The following COL23A1 variants were observed in gnomAD, a reference collection of about 807,000 sequenced individuals.
The protein encoded by COL23A1 is collagen type XXIII alpha 1 chain.
Under a neutral mutation model 99.3 loss-of-function variants are expected in COL23A1, and 97 were observed. The ratio of observed to expected loss-of-function variants is 0.98; its 90% confidence interval spans 0.83 to 1.16. The LOEUF is 1.16. COL23A1 is among the 50% of genes most tolerant of loss of function. The probability of loss-of-function intolerance (pLI) is 0.00; values close to 1 mark genes in which losing one functional copy is unlikely to be tolerated. For synonymous variants in COL23A1, 320 were observed against 308.2 expected, an observed-to-expected ratio of 1.04 and a Z score of -0.40; for missense variants, 762 against 757.4, an observed-to-expected ratio of 1.01 and a Z score of -0.07.
chr5:178,343,415 AG>A (rs1263784535), intron 2 of COL23A1, among the ~76,000 whole-genome samples: 1 of 152,204 alleles, frequency 6.6e-6, no homozygotes, highest in East Asian at 1.9e-4. Flanking sequence ...TAGAAAAGGC[AG>A]GGGACAAGCT....
At chr5:178,586,888 CAG>C (rs1018009012) in intron 1 of COL23A1, among the ~76,000 whole-genome samples, 2 of 152,156 alleles carry the variant, frequency 1.3e-5, no homozygotes, top group African/African-American at 4.8e-5. Context: ...AACCAATATA[CAG>C]AGTTGATAAG....
At chr5:178,305,274 G>A (rs1322984336) in intron 3 of COL23A1, among the ~76,000 whole-genome samples, 1 of 151,634 alleles carries the variant, frequency 6.6e-6, no homozygotes, top group Non-Finnish European at 1.5e-5. Context: ...GCGCTAAGGA[G>A]TGTATCTGGA....
At chr5:178,389,047 C>G (rs984662247) in intron 2 of COL23A1, among the ~76,000 whole-genome samples, 5 of 152,166 alleles carry the variant, frequency 3.3e-5, no homozygotes, top group African/African-American at 1.2e-4. Flanking sequence ...ACACTCCTTA[C>G]CAAGGCAATT....
At chr5:178,420,486 T>A (rs1348037934) in intron 2 of COL23A1, among the ~76,000 whole-genome samples, 3 of 64,050 alleles carry the variant, frequency 4.7e-5, no homozygotes, top group African/African-American at 2.0e-4. Flanking sequence ...CCCCCGCTCT[T>A]TCCTCCTCCC....
At position 178,306,225 on chromosome 5, in the gene COL23A1, G is replaced by A. The variant is rs1168274975; in HGVS notation, c.406+650C>T. ...CCAGCATGGGGGAGTGGCCAAGGGT[G>A]GGGGTCAAGAAAGAGAAAGACAGCA... On this transcript the variant is annotated intron_variant, in intron 3 of 28. Transcript: ENST00000390654. The surrounding 1 kb of genome is among the most constrained non-coding windows in gnomAD (Gnocchi z 4.1). Among the ~76,000 whole-genome samples, 2 of 152,126 alleles carry A rather than the reference G, an allele frequency of 1.3e-5. No homozygotes were observed. The highest frequency in any genetic ancestry group is 2.4e-5 in the African/African-American group (1 of 41,416).
chr5:178,297,189 G>A (rs1224966271), intron 3 of COL23A1, among the ~76,000 whole-genome samples: 1 of 152,256 alleles, frequency 6.6e-6, no homozygotes, highest in East Asian at 1.9e-4. Context: ...CACTGCCACT[G>A]CCTTGGACAA....
At chr5:178,480,542 C>G (rs1757279386) in intron 2 of COL23A1, among the ~76,000 whole-genome samples, 1 of 152,188 alleles carries the variant, frequency 6.6e-6, no homozygotes. Flanking sequence ...AGCATTCTTT[C>G]ATTATTAACA....
intron 3 of COL23A1, among the ~76,000 whole-genome samples, chr5:178,297,074 C>T (rs959977124): frequency 3.3e-5 from 5 of 152,262 alleles, no homozygotes; most frequent in Admixed American, 6.5e-5. Flanking sequence ...CCCTTGGGCA[C>T]GGTGCTCTGC....
At position 178,589,225 on chromosome 5, in the gene COL23A1, G is replaced by A. The variant is rs558386217; in HGVS notation, c.294+679C>T. On this transcript the variant is annotated intron_variant, in intron 1 of 28. Transcript: ENST00000390654. The surrounding 1 kb of genome is among the most constrained non-coding windows in gnomAD (Gnocchi z 5.4). The stretch of plus-strand genomic sequence containing the variant: ...TCCCAGGTAAGGGACGGGAAACTCC[G>A]GATGTCCTGCGAGCCCACACCCCAG... 1.3e-5 allele frequency among the ~76,000 whole-genome samples: 2 copies of A among 152,236 alleles called. No individual in the cohort carries two copies. The highest frequency in any genetic ancestry group is 3.9e-4 in the East Asian group (2 of 5,164).
chr5:178,523,187 T>TATATATATATACAC (rs1760075158), intron 2 of COL23A1, among the ~76,000 whole-genome samples: 6 of 63,292 alleles, frequency 9.5e-5, no homozygotes, highest in African/African-American at 3.2e-4. Flanking sequence ...TACACATATA[T>TATATATATATACAC]ATATATATAT....
chr5:178,270,476 C>T (rs975098347), intron 5 of COL23A1, 113 bp from the exon 6 acceptor site: 18 of 1,304,902 alleles, frequency 1.4e-5, no homozygotes, highest in African/African-American at 4.4e-5. Context: ...GTGGGAGCCC[C>T]GCGTCTGGGT....
At chr5:178,515,448 G>A (rs997194300) in intron 2 of COL23A1, among the ~76,000 whole-genome samples, 17 of 152,158 alleles carry the variant, frequency 1.1e-4, no homozygotes, top group African/African-American at 4.1e-4. Context: ...AGCCAGAGTA[G>A]GGACATGTCA....
At chr5:178,565,180 G>T (rs1287539671) in intron 1 of COL23A1, among the ~76,000 whole-genome samples, 3 of 152,248 alleles carry the variant, frequency 2.0e-5, no homozygotes, top group African/African-American at 7.2e-5. Flanking sequence ...CCACATGGGT[G>T]TTGGAATGAT....
chr5:178,309,644 CT>C lies in COL23A1; in HGVS notation c.362-2726del. Among the ~76,000 whole-genome samples, 1 of 152,074 alleles carries C rather than the reference CT, an allele frequency of 6.6e-6. No homozygotes were observed. The highest frequency in any genetic ancestry group is 1.5e-5 in the Non-Finnish European group (1 of 67,988). ...CACCTCCCGACTTCCCACGCGCCCC[CT>C]GCCTCCCTTGTTACTTACCTGCAGG... On this transcript the variant is annotated intron_variant, in intron 2 of 28. Coordinates refer to ENST00000390654, the MANE Select transcript of COL23A1 (RefSeq NM_173465.4). The surrounding 1 kb of genome is among the most constrained non-coding windows in gnomAD (Gnocchi z 4.7).
At chr5:178,347,653 C>G (rs1305895138) in intron 2 of COL23A1, among the ~76,000 whole-genome samples, 1 of 151,636 alleles carries the variant, frequency 6.6e-6, no homozygotes, top group African/African-American at 2.4e-5. Flanking sequence ...GGAGCTGAGG[C>G]GGGCGGATCA....
At chr5:178,312,122 G>C (rs564999302) in intron 2 of COL23A1, among the ~76,000 whole-genome samples, 1 of 152,202 alleles carries the variant, frequency 6.6e-6, no homozygotes, top group African/African-American at 2.4e-5. Context: ...TCGAGGTGCT[G>C]AGACGCCGAC....
intron 25 of COL23A1, among the ~76,000 whole-genome samples, chr5:178,244,705 T>C (rs186588846): frequency 6.8e-4 from 104 of 152,378 alleles, no homozygotes; most frequent in Non-Finnish European, 1.3e-3. Context: ...CCTGGATCCA[T>C]GTGTTGAACC....
intron 2 of COL23A1, among the ~76,000 whole-genome samples, chr5:178,458,133 C>T (rs1311510402): frequency 7.2e-4 from 2 of 2,774 alleles, no homozygotes. Context: ...AAGATGAGAA[C>T]CCTTGGGTGT....
At chr5:178,401,627 A>G (rs951384987) in intron 2 of COL23A1, among the ~76,000 whole-genome samples, 1 of 152,232 alleles carries the variant, frequency 6.6e-6, no homozygotes, top group Non-Finnish European at 1.5e-5. Flanking sequence ...ACATTTGCAT[A>G]CAGGTTTTTG....
Sources: allele counts gnomAD v4.1 joint callset (sites outside exome capture counted in the v4.1 genomes callset), GRCh38; gene constraint gnomAD v4.1.1; non-coding constraint Gnocchi (gnomAD v3.1); transcripts MANE v1.5; gene names NCBI Gene and HGNC (gene_info 2026-07-23, HGNC 2026-07-21).